Variants in MTNAP1 observed in about 807,000 individuals in gnomAD.
MTNAP1 encodes the protein mitochondrial nucleoid associated protein 1, also known as mitochondrial nucleoid-associated protein 1.
chr17:73,242,036 G>A, the MTNAP1 span, among the ~76,000 whole-genome samples: 1 of 152,170 alleles, frequency 6.6e-6, no homozygotes, highest in Non-Finnish European at 1.5e-5. Flanking sequence ...TGATTTTCAG[G>A]GGTCCCTTGG....
the MTNAP1 span, chr17:73,248,924 A>G: frequency 5.9e-6 from 1 of 170,600 alleles, no homozygotes; most frequent in South Asian, 1.5e-4. Flanking sequence ...TACTTCCGCC[A>G]CTCTTCATAA....
the MTNAP1 span, chr17:73,235,439 T>G: frequency 6.6e-7 from 1 of 1,507,380 alleles, no homozygotes. Context: ...ATGTACAAAC[T>G]ATGTGCTTCT....
the MTNAP1 span, among the ~76,000 whole-genome samples, chr17:73,238,331 A>G: frequency 6.6e-6 from 1 of 152,054 alleles, no homozygotes; most frequent in Non-Finnish European, 1.5e-5. Context: ...TGGTGCTTTC[A>G]TGCTTATTTT....
At chr17:73,235,687 GAGTT>G in the MTNAP1 span, 4 of 1,614,060 alleles carry the variant, frequency 2.5e-6, no homozygotes, top group Admixed American at 1.7e-5. Flanking sequence ...TAAAGGGAAA[GAGTT>G]AGAGACAGAG....
the MTNAP1 span, chr17:73,248,714 C>T: frequency 3.5e-5 from 23 of 662,430 alleles, no homozygotes; most frequent in African/African-American, 2.5e-4. Context: ...CTGAATACCC[C>T]GGCTGTAACT....
chr17:73,233,819 G>T, the MTNAP1 span, among the ~76,000 whole-genome samples: 1 of 151,990 alleles, frequency 6.6e-6, no homozygotes, highest in Non-Finnish European at 1.5e-5. Context: ...GTTGCTGTGA[G>T]CCGAGATCGC....
At chr17:73,240,322 A>G in the MTNAP1 span, among the ~76,000 whole-genome samples, 1 of 152,312 alleles carries the variant, frequency 6.6e-6, no homozygotes, top group Non-Finnish European at 1.5e-5. Flanking sequence ...TAGGGCCTCT[A>G]CTTCTATTAT....
At chr17:73,242,147 C>A in the MTNAP1 span, 1 of 710,360 alleles carries the variant, frequency 1.4e-6, no homozygotes, top group South Asian at 2.1e-5. Context: ...AGAATATGCT[C>A]TTCCTGAGGC....
the MTNAP1 span, chr17:73,247,317 C>T: frequency 6.2e-7 from 1 of 1,614,152 alleles, no homozygotes; most frequent in Admixed American, 1.7e-5. Flanking sequence ...CTGGGGATTG[C>T]CGCTCTAAAA....
the MTNAP1 span, among the ~76,000 whole-genome samples, chr17:73,246,615 T>C: frequency 6.6e-6 from 1 of 152,214 alleles, no homozygotes; most frequent in Non-Finnish European, 1.5e-5. Flanking sequence ...TTCTCAAAGC[T>C]GGAATGCTGG....
At chr17:73,246,964 A>G in the MTNAP1 span, among the ~76,000 whole-genome samples, 103 of 152,192 alleles carry the variant, frequency 6.8e-4, no homozygotes, top group Non-Finnish European at 1.3e-3. Context: ...AGAAACTCTC[A>G]AGGTGAGAAG....
At chr17:73,245,140 C>T in the MTNAP1 span, 258,023 of 1,611,076 alleles carry the variant, frequency 0.16, 22,345 homozygotes, top group Non-Finnish European at 0.17. Context: ...CCTCTCGGAT[C>T]CTTACATTTG....
the MTNAP1 span, among the ~76,000 whole-genome samples, chr17:73,246,272 G>T: frequency 7.7e-4 from 117 of 152,148 alleles, 1 homozygote; most frequent in African/African-American, 2.7e-3. Flanking sequence ...GGTGGCTCAC[G>T]CCTGTAATCC....
At chr17:73,245,710 G>A in the MTNAP1 span, 2 of 985,366 alleles carry the variant, frequency 2.0e-6, no homozygotes, top group Non-Finnish European at 2.4e-6. Flanking sequence ...AGCTAAGGAT[G>A]GGCATTCGAG....
chr17:73,242,174 C>CA, the MTNAP1 span: 1 of 1,015,970 alleles, frequency 9.8e-7, no homozygotes, highest in Non-Finnish European at 1.5e-6. Context: ...GTGGATCCTT[C>CA]GGCACTGGAT....
the MTNAP1 span, among the ~76,000 whole-genome samples, chr17:73,246,183 T>TG: frequency 6.6e-6 from 1 of 152,200 alleles, no homozygotes; most frequent in South Asian, 2.1e-4. Flanking sequence ...GCTTTGCTTG[T>TG]GGTGTCCTCA....
At chr17:73,241,161 C>CT in the MTNAP1 span, among the ~76,000 whole-genome samples, 7 of 151,908 alleles carry the variant, frequency 4.6e-5, no homozygotes, top group South Asian at 2.1e-4. Flanking sequence ...CATAAGCCCT[C>CT]TTTTTTTTGT....
the MTNAP1 span, among the ~76,000 whole-genome samples, chr17:73,233,686 A>T: frequency 6.6e-6 from 1 of 152,218 alleles, no homozygotes; most frequent in Non-Finnish European, 1.5e-5. Context: ...CAACATGGTG[A>T]AACCCCGTCT....
the MTNAP1 span, chr17:73,245,088 T>C: frequency 7.5e-7 from 1 of 1,329,752 alleles, no homozygotes; most frequent in Non-Finnish European, 1.1e-6. Flanking sequence ...AAAAAGAGAA[T>C]GATCTGTAGA....
Sources: allele counts gnomAD v4.1 joint callset (sites outside exome capture counted in the v4.1 genomes callset), GRCh38; gene constraint gnomAD v4.1.1; transcripts MANE v1.5; gene names NCBI Gene and HGNC (gene_info 2026-07-23, HGNC 2026-07-21).